Variants in MACROD2 observed in about 807,000 individuals in gnomAD.
The protein encoded by MACROD2 is mono-ADP ribosylhydrolase 2.
Under a neutral mutation model 70.4 loss-of-function variants are expected in MACROD2, and 36 were observed. The ratio of observed to expected loss-of-function variants is 0.51; its 90% CI spans 0.39 to 0.68. The LOEUF is 0.68. Among genes scored for constraint, MACROD2 ranks in the 30% least tolerant of loss-of-function variants. MACROD2 has a pLI of 0.00. For synonymous variants in MACROD2, 172 were observed against 178.8 expected, an observed-to-expected ratio of 0.96 and a Z score of 0.30; for missense variants, 496 against 538.4, an observed-to-expected ratio of 0.92 and a Z score of 0.78.
At chr20:14,932,052 A>C (rs2074300968) in intron 5 of MACROD2, among the ~76,000 whole-genome samples, 1 of 151,768 alleles carries the variant, frequency 6.6e-6, no homozygotes, top group Non-Finnish European at 1.5e-5. Flanking sequence ...GCAAAAAGTT[A>C]ATAATCTAGG....
chr20:15,459,628 C>T lies in MACROD2; in HGVS notation c.571+28193C>T, dbSNP rs532263016. On this transcript the variant is annotated intron_variant, in intron 7 of 17. Transcript: ENST00000684519. ...TCTAAGAGCGATGGAAGAAGCTGGG[C>T]GAGGGGAATGGGAAGTGAAGTATGA... Among the ~76,000 whole-genome samples, 7 of 152,052 alleles carry T rather than the reference C, an allele frequency of 4.6e-5. No individual in the cohort carries two copies. In the South Asian group the frequency reaches 6.3e-4, roughly 14 times the overall value.
chr20:14,439,635 G>A (rs2084098477), intron 3 of MACROD2, among the ~76,000 whole-genome samples: 1 of 151,966 alleles, frequency 6.6e-6, no homozygotes, highest in Non-Finnish European at 1.5e-5. Context: ...ACAACTTTGG[G>A]CAGAATGGTT....
At chr20:15,331,136 A>G (rs2423929) in intron 6 of MACROD2, among the ~76,000 whole-genome samples, 101,728 of 151,418 alleles carry the variant, frequency 0.67, 35,079 homozygotes, top group African/African-American at 0.8. Context: ...ATAAGTTTGG[A>G]ACAGGGGATG....
At chr20:14,459,806 A>G (rs1373303737) in intron 3 of MACROD2, among the ~76,000 whole-genome samples, 1 of 152,040 alleles carries the variant, frequency 6.6e-6, no homozygotes, top group Non-Finnish European at 1.5e-5. Context: ...TCCACATGCC[A>G]TGGTGGTCTG....
chr20:14,668,741 G>T (rs1600519190), intron 4 of MACROD2, among the ~76,000 whole-genome samples: 1 of 152,104 alleles, frequency 6.6e-6, no homozygotes, highest in East Asian at 1.9e-4. Context: ...ATTTTTTAAT[G>T]CTAAAAAGAG....
chr20:14,997,864 C>T (rs1017298368), intron 5 of MACROD2, among the ~76,000 whole-genome samples: 1 of 152,176 alleles, frequency 6.6e-6, no homozygotes, highest in Non-Finnish European at 1.5e-5. Flanking sequence ...GTATTTGTGT[C>T]ATCCTCCATC....
intron 15 of MACROD2, among the ~76,000 whole-genome samples, chr20:16,035,137 T>TAAAA: frequency 3.1e-4 from 1 of 3,220 alleles, no homozygotes; most frequent in Non-Finnish European, 4.8e-3. Context: ...TATTATATAT[T>TAAAA]ATATATTATA....
intron 5 of MACROD2, among the ~76,000 whole-genome samples, chr20:14,945,548 A>G (rs1446728729): frequency 6.6e-6 from 1 of 152,122 alleles, no homozygotes; most frequent in African/African-American, 2.4e-5. Flanking sequence ...CAGCCTTTAC[A>G]TTTGGGTACC....
chr20:15,370,550 A>G (rs2045477833), intron 6 of MACROD2, among the ~76,000 whole-genome samples: 1 of 152,098 alleles, frequency 6.6e-6, no homozygotes, highest in Non-Finnish European at 1.5e-5. Flanking sequence ...CTAACAGAAA[A>G]ATAAAAATTG....
At chr20:13,996,672 A>C (rs2052662197) in intron 1 of MACROD2, among the ~76,000 whole-genome samples, 1 of 152,204 alleles carries the variant, frequency 6.6e-6, no homozygotes, top group Non-Finnish European at 1.5e-5. Context: ...TCTCCCGCTT[A>C]TCCCATCACA....
chr20:14,020,045 A>C (rs1396675826), intron 2 of MACROD2, among the ~76,000 whole-genome samples: 1 of 152,214 alleles, frequency 6.6e-6, no homozygotes, highest in African/African-American at 2.4e-5. Context: ...GGAATGACCA[A>C]GGGCAGTTTG....
At position 14,555,730 on chromosome 20, in the gene MACROD2, C is replaced by G. The variant is rs745441144; in HGVS notation, c.301+62222C>G. On this transcript the variant is annotated intron_variant, in intron 4 of 17. Coordinates refer to ENST00000684519, the MANE Select transcript of MACROD2 (RefSeq NM_001351661.2). Reference sequence around the variant, plus strand: ...GCGTGGGAAAGGGCATGGACACTTTCTGTTAGGTACATGGGGGACGTTGTG... The same window carrying G: ...GCGTGGGAAAGGGCATGGACACTTTGTGTTAGGTACATGGGGGACGTTGTG... 5.4e-4 allele frequency among the ~76,000 whole-genome samples: 82 copies of G among 152,184 alleles called. 1 individual carries two copies. Among genetic ancestry groups the G allele is most frequent in the Non-Finnish European group, 9.4e-4 (64 of 67,988 alleles).
At chr20:14,075,088 A>G (rs1166020955) in intron 2 of MACROD2, among the ~76,000 whole-genome samples, 1 of 152,174 alleles carries the variant, frequency 6.6e-6, no homozygotes, top group African/African-American at 2.4e-5. Flanking sequence ...GCACAAGAGT[A>G]GTGATGGTGG....
rs776403594 is a variant in MACROD2 at position 15,125,744 on chromosome 20, G to GT, written c.419-104189dup. Among the ~76,000 whole-genome samples the GT allele has an allele frequency of 2.6e-5, 4 of 151,858 alleles. No individual in the cohort carries two copies. In the East Asian group the frequency reaches 5.8e-4, roughly 22 times the overall value. On this transcript the variant is annotated intron_variant, in intron 5 of 17. Coordinates refer to ENST00000684519, the MANE Select transcript of MACROD2 (RefSeq NM_001351661.2). ...ACCATTTTAAAGTGTATAATTCAGTGTTTTTTTACATTAAAAAGGTTATGA... is the reference window on the plus strand; with the variant it reads ...ACCATTTTAAAGTGTATAATTCAGTGTTTTTTTTACATTAAAAAGGTTATGA...
chr20:15,494,827 A>G (rs906735082), intron 7 of MACROD2, among the ~76,000 whole-genome samples: 12 of 152,052 alleles, frequency 7.9e-5, no homozygotes, highest in African/African-American at 2.9e-4. Flanking sequence ...TCAATACAAA[A>G]GTAAATAAGA....
At chr20:14,761,008 C>A (rs754374085) in intron 5 of MACROD2, among the ~76,000 whole-genome samples, 2 of 152,088 alleles carry the variant, frequency 1.3e-5, no homozygotes, top group Non-Finnish European at 2.9e-5. Context: ...CCACCTTCTT[C>A]TGGAGCTCCT....
chr20:14,863,320 A>T (rs1251553112), intron 5 of MACROD2, among the ~76,000 whole-genome samples: 2 of 151,892 alleles, frequency 1.3e-5, no homozygotes, highest in East Asian at 3.9e-4. Flanking sequence ...GTCCTTTCTG[A>T]TTTTCTCCCC....
intron 5 of MACROD2, among the ~76,000 whole-genome samples, chr20:14,953,870 T>G (rs191075370): frequency 6.6e-6 from 1 of 152,168 alleles, no homozygotes; most frequent in Non-Finnish European, 1.5e-5. Flanking sequence ...AAGGAGAATT[T>G]ACTGCCTACC....
chr20:15,105,586 G>A (rs1409884201), intron 5 of MACROD2, among the ~76,000 whole-genome samples: 1 of 152,088 alleles, frequency 6.6e-6, no homozygotes, highest in African/African-American at 2.4e-5. Context: ...CTCTAACAGT[G>A]TTAGAGGCAG....
Sources: allele counts gnomAD v4.1 joint callset (sites outside exome capture counted in the v4.1 genomes callset), GRCh38; gene constraint gnomAD v4.1.1; transcripts MANE v1.5; gene names NCBI Gene and HGNC (gene_info 2026-07-23, HGNC 2026-07-21).